CAST: variants seen among roughly 807,000 people sequenced by gnomAD.
The protein encoded by CAST is MIR583 host.
CAST carries 76 observed loss-of-function variants against 119.6 expected under a neutral mutation model. That is an observed-to-expected ratio of 0.64 (90% CI 0.53 to 0.77). The LOEUF is 0.77. CAST is among the 30% of genes least tolerant of loss of function. The pLI is 0.00. For missense variants in CAST, 953 were observed against 946.5 expected (o/e 1.01, Z -0.09); for synonymous variants, 319 against 331.6 (o/e 0.96, Z 0.41).
At chr5:96,492,866 T>C in the CAST span, among the ~76,000 whole-genome samples, 1 of 152,188 alleles carries the variant, frequency 6.6e-6, no homozygotes, top group Non-Finnish European at 1.5e-5. Flanking sequence ...AATGTAGCAA[T>C]AGAGATGCCC....
At chr5:96,703,342 C>G (rs536428907) in intron 3 of CAST, among the ~76,000 whole-genome samples, 1 of 152,246 alleles carries the variant, frequency 6.6e-6, no homozygotes, top group Non-Finnish European at 1.5e-5. Context: ...CCAGCCGTGC[C>G]GCCACCCTGT....
chr5:96,094,912 T>C, the CAST span, among the ~76,000 whole-genome samples: 45 of 152,262 alleles, frequency 3.0e-4, no homozygotes, highest in Non-Finnish European at 5.6e-4. Context: ...TACAAAAGTC[T>C]TCCTTATAGT....
chr5:96,585,072 G>A (rs927169739), intron 1 of CAST: 17 of 152,198 alleles, frequency 1.1e-4, no homozygotes, highest in African/African-American at 3.9e-4. Flanking sequence ...ACAACTGGCA[G>A]ATATATGCAC....
chr5:96,707,602 G>A (rs1288087564), intron 3 of CAST, among the ~76,000 whole-genome samples: 2 of 152,002 alleles, frequency 1.3e-5, no homozygotes, highest in Non-Finnish European at 2.9e-5. Context: ...GGTCAGGATG[G>A]TCTCGATCTC....
At chr5:95,969,037 A>G in the CAST span, among the ~76,000 whole-genome samples, 1 of 152,322 alleles carries the variant, frequency 6.6e-6, no homozygotes, top group Admixed American at 6.5e-5. Context: ...AAAGTTTTCT[A>G]TCTGCGATAA....
chr5:96,655,307 G>A (rs1035329421), intron 1 of CAST, among the ~76,000 whole-genome samples: 5 of 152,188 alleles, frequency 3.3e-5, no homozygotes, highest in Middle Eastern at 3.2e-3. Context: ...GTGCATGCAC[G>A]GGTCATGCAT....
the CAST span, among the ~76,000 whole-genome samples, chr5:96,316,566 G>T: frequency 1.3e-5 from 2 of 152,224 alleles, no homozygotes; most frequent in Non-Finnish European, 2.9e-5. Context: ...TAAATGTGCA[G>T]AGGAGATCAA....
At chr5:96,107,124 C>T in the CAST span, among the ~76,000 whole-genome samples, 26 of 150,664 alleles carry the variant, frequency 1.7e-4, no homozygotes, top group Non-Finnish European at 2.7e-4. Flanking sequence ...TGTCTCTGCA[C>T]GTGAGATGGG....
At chr5:96,508,017 T>G in the CAST span, among the ~76,000 whole-genome samples, 1 of 145,200 alleles carries the variant, frequency 6.9e-6, no homozygotes, top group Non-Finnish European at 1.5e-5. Flanking sequence ...TTATTATTAT[T>G]ATTATTATTA....
chr5:96,703,527 CA>C (rs1042557089), intron 3 of CAST, among the ~76,000 whole-genome samples: 12 of 152,272 alleles, frequency 7.9e-5, no homozygotes, highest in African/African-American at 2.9e-4. Flanking sequence ...TTTAAGAATA[CA>C]AAGTGTTTTC....
At chr5:96,571,798 C>T (rs750057548) in intron 1 of CAST, among the ~76,000 whole-genome samples, 18 of 152,176 alleles carry the variant, frequency 1.2e-4, no homozygotes, top group African/African-American at 2.9e-4. Context: ...GTCATTATAA[C>T]GCATGCTTAT....
At chr5:96,439,741 T>C in the CAST span, among the ~76,000 whole-genome samples, 1 of 152,138 alleles carries the variant, frequency 6.6e-6, no homozygotes, top group Non-Finnish European at 1.5e-5. Flanking sequence ...TAAATAATAA[T>C]GGACTGATCC....
the CAST span, among the ~76,000 whole-genome samples, chr5:96,076,390 C>T: frequency 6.6e-6 from 1 of 152,128 alleles, no homozygotes; most frequent in African/African-American, 2.4e-5. Flanking sequence ...AAGCAAATAT[C>T]GAAAAGGAGT....
chr5:96,111,848 T>G, the CAST span, among the ~76,000 whole-genome samples: 2 of 152,134 alleles, frequency 1.3e-5, no homozygotes, highest in Non-Finnish European at 2.9e-5. Context: ...TGTCTTGCTA[T>G]GTTTCCCAGG....
At chr5:96,602,541 C>G (rs1747174340) in intron 1 of CAST, among the ~76,000 whole-genome samples, 1 of 152,164 alleles carries the variant, frequency 6.6e-6, no homozygotes, top group Non-Finnish European at 1.5e-5. Context: ...CACCTGAGGT[C>G]AGAAGTCCGA....
the CAST span, among the ~76,000 whole-genome samples, chr5:96,323,004 C>T: frequency 9.9e-5 from 15 of 152,098 alleles, no homozygotes; most frequent in Non-Finnish European, 1.8e-4. Flanking sequence ...GGTGAGTATA[C>T]GGTGGCATGA....
intron 1 of CAST, among the ~76,000 whole-genome samples, chr5:96,621,242 G>A (rs1747597905): frequency 6.6e-6 from 1 of 152,202 alleles, no homozygotes; most frequent in South Asian, 2.1e-4. Flanking sequence ...TACAGAGGTT[G>A]ACTCTTTGGT....
At chr5:96,385,815 A>G in the CAST span, among the ~76,000 whole-genome samples, 14 of 152,306 alleles carry the variant, frequency 9.2e-5, no homozygotes, top group South Asian at 1.9e-3. Flanking sequence ...CTTCCTTCTC[A>G]TGAGGTTAAA....
Position 96,695,842 on chromosome 5 carries a change from G to A in CAST, c.145G>A (p.Ala49Thr). The A allele has an allele frequency of 6.2e-7, 1 of 1,611,034 alleles. No individual in the cohort carries two copies. Among genetic ancestry groups the A allele is most frequent in the Non-Finnish European group, 8.5e-7 (1 of 1,177,730 alleles). Residue 49 changes from alanine to threonine, a missense_variant, in exon 3 of 32, where the codon GCA (alanine) becomes ACA (threonine). Transcript: ENST00000675179. ...GEKKGSDEKK[A>T]ASLGSSQSSR... ...AATATTTTCTATTTTCAAGAAAAAA[G>A]CAGCAAGCCTCGGCAGCAGTCAATC...
Sources: allele counts gnomAD v4.1 joint callset (sites outside exome capture counted in the v4.1 genomes callset), GRCh38; gene constraint gnomAD v4.1.1; transcripts MANE v1.5; gene names NCBI Gene and HGNC (gene_info 2026-07-23, HGNC 2026-07-21).